The following KLC1 variants were observed in gnomAD, a reference collection of about 807,000 sequenced individuals.
KLC1 encodes kinesin 2 60/70kDa.
In KLC1, 30 loss-of-function variants were observed where a neutral mutation model predicts 84.2. That is an observed-to-expected ratio of 0.36 (90% CI 0.27 to 0.48). The LOEUF (loss-of-function observed/expected upper bound fraction) is 0.48. Among genes scored for constraint, KLC1 ranks in the 20% least tolerant of loss-of-function variants. KLC1 has a pLI of 0.99. For missense variants in KLC1, 499 were observed against 805.4 expected (o/e 0.62, Z 4.60); for synonymous variants, 289 against 293.3 (o/e 0.99, Z 0.15).
At chr14:103,699,016 A>G in intron 15 of KLC1, 1 of 1,583,772 alleles carries the variant, frequency 6.3e-7, no homozygotes, top group Non-Finnish European at 8.6e-7. Context: ...TCGTCCCAGA[A>G]CCTGAGAAAC....
Position 103,673,150 on chromosome 14 carries a change from C to T in KLC1, c.1124C>T (p.Pro375Leu). Reference sequence around the variant, plus strand: ...GAGATCTACCAGACAAAACTGGGACCTGATGACCCCAACGTGGCTAAGACG... The same window carrying T: ...GAGATCTACCAGACAAAACTGGGACTTGATGACCCCAACGTGGCTAAGACG... Reference protein sequence around the residue: ...ALEIYQTKLGPDDPNVAKTKN... With the variant: ...ALEIYQTKLGLDDPNVAKTKN... Residue 375 changes from proline to leucine, a missense_variant, in exon 8 of 17, where the codon CCT (proline) becomes CTT (leucine). Pro to Leu is a moderately conservative substitution (Grantham distance 98). Coordinates refer to ENST00000334553, the MANE Select transcript of KLC1 (RefSeq NM_001394837.1). 6.2e-7 allele frequency: 1 copy of T among 1,613,832 alleles called. No homozygotes were observed. Among genetic ancestry groups the T allele is most frequent in the Non-Finnish European group, 8.5e-7 (1 of 1,179,942 alleles).
chr14:103,652,743 C>T (rs2078554054), intron 1 of KLC1, among the ~76,000 whole-genome samples: 1 of 152,042 alleles, frequency 6.6e-6, no homozygotes, highest in Non-Finnish European at 1.5e-5. Flanking sequence ...TGCCCGCCTT[C>T]GCCTCCCAAA....
chr14:103,666,293 G>C (rs1407571933), intron 5 of KLC1, among the ~76,000 whole-genome samples: 4 of 151,920 alleles, frequency 2.6e-5, no homozygotes, highest in Non-Finnish European at 5.9e-5. Context: ...TTGATCTCCT[G>C]ACCTTGTGAT....
At position 103,670,231 on chromosome 14, in the gene KLC1, A is replaced by G; in HGVS notation, c.935A>G (p.Lys312Arg). 1 of 1,613,570 alleles carries G rather than the reference A, an allele frequency of 6.2e-7. No homozygotes were observed. The highest frequency in any genetic ancestry group is 8.5e-7 in the Non-Finnish European group (1 of 1,179,590). The part of the protein sequence containing the change: ...NLAVLYGKRG[K>R]YKEAEPLCKR... ...GCAGTCCTTTATGGTAAAAGAGGGA[A>G]GTACAAAGAAGCAGAGCCGTTGTGT... The change falls in exon 7 of 17, where the codon AAG becomes AGG. Residue 312 changes from lysine to arginine, a missense_variant. By Grantham distance (26) the Lys-to-Arg change is conservative (BLOSUM62 2). Transcript: ENST00000334553.
intron 1 of KLC1, among the ~76,000 whole-genome samples, chr14:103,633,962 G>T (rs900795525): frequency 1.3e-5 from 2 of 152,016 alleles, no homozygotes; most frequent in Non-Finnish European, 2.9e-5. Context: ...TCTGCCTCCC[G>T]GGTTCAAGCC....
intron 15 of KLC1, 84 bp from the exon 16 acceptor site, chr14:103,700,571 C>T (rs968254222): frequency 2.1e-5 from 23 of 1,112,100 alleles, no homozygotes; most frequent in African/African-American, 1.6e-4. Context: ...TGCAGCCACA[C>T]GCTGGTGTCA....
chr14:103,672,135 G>C (rs1046626889), intron 7 of KLC1, among the ~76,000 whole-genome samples: 2 of 152,142 alleles, frequency 1.3e-5, no homozygotes, highest in South Asian at 4.1e-4. Flanking sequence ...CCAGAGCCAG[G>C]GGGTGTTGGG....
intron 1 of KLC1, among the ~76,000 whole-genome samples, chr14:103,633,144 A>T (rs1595195769): frequency 1.3e-5 from 2 of 150,668 alleles, no homozygotes; most frequent in African/African-American, 2.4e-5. Flanking sequence ...TGCAGCCTCT[A>T]CCTCCCAGGT....
chr14:103,644,417 C>T (rs1166218739), intron 1 of KLC1, among the ~76,000 whole-genome samples: 3 of 151,804 alleles, frequency 2.0e-5, no homozygotes, highest in South Asian at 2.1e-4. Context: ...CGCCACCACA[C>T]CCGGCTAATT....
intron 1 of KLC1, among the ~76,000 whole-genome samples, chr14:103,630,854 T>C (rs1224642430): frequency 6.6e-6 from 1 of 152,196 alleles, no homozygotes; most frequent in Non-Finnish European, 1.5e-5. Flanking sequence ...CAGCATCATG[T>C]TGCAGTTGAG....
chr14:103,694,347 G>C lies in KLC1; in HGVS notation c.1848+1922G>C. On this transcript the variant is annotated intron_variant, in intron 15 of 16. Coordinates refer to ENST00000334553, the MANE Select transcript of KLC1 (RefSeq NM_001394837.1). This position sits in a 1 kb window ranked among gnomAD's most constrained non-coding sequence, Gnocchi z 4.5. Reference sequence around the variant, plus strand: ...GCCCACTGCAAGCTCCACCTCCTGGGTTCACGCCATTCTCCTGCCTCAGCC... The same window carrying C: ...GCCCACTGCAAGCTCCACCTCCTGGCTTCACGCCATTCTCCTGCCTCAGCC... 2 of 931,900 alleles carry C rather than the reference G, an allele frequency of 2.1e-6. No homozygotes were observed. The highest frequency in any genetic ancestry group is 1.2e-4 in the East Asian group (1 of 8,538). 57.7% of individuals were successfully genotyped at this position (931,900 alleles called of 1,614,324 possible). A position where few individuals can be genotyped will look rare whatever the true frequency, so the allele number is the denominator to read the frequency against.
Position 103,694,596 on chromosome 14 carries a change from G to C in KLC1, c.1848+2171G>C. 2 of 985,492 alleles carry C rather than the reference G, an allele frequency of 2.0e-6. No individual in the cohort carries two copies. The highest frequency in any genetic ancestry group is 2.4e-6 in the Non-Finnish European group (2 of 829,944). 61.0% of individuals were successfully genotyped at this position (985,492 alleles called of 1,614,324 possible). ...GTAAAGAGCATACAAAACAGACGCC[G>C]AGGTGATCAGTGATTCCAAAGGCTG... is the stretch of plus-strand genomic sequence containing the variant. On this transcript the variant is annotated intron_variant, in intron 15 of 16. Transcript: ENST00000334553. This position sits in a 1 kb window ranked among gnomAD's most constrained non-coding sequence, Gnocchi z 4.5.
At chr14:103,647,865 A>G (rs542887138) in intron 1 of KLC1, among the ~76,000 whole-genome samples, 9 of 143,958 alleles carry the variant, frequency 6.3e-5, no homozygotes, top group African/African-American at 1.8e-4. Context: ...ACAGAGCAAG[A>G]CTCCATCTCA....
At chr14:103,653,395 C>T (rs1265609791) in intron 1 of KLC1, among the ~76,000 whole-genome samples, 4 of 152,216 alleles carry the variant, frequency 2.6e-5, no homozygotes, top group Non-Finnish European at 5.9e-5. Flanking sequence ...GATCTTGGCT[C>T]ACTGCAACCT....
rs1207546517 is a variant in KLC1, at chr14:103,647,282, G to A, written c.-1-7282G>A. Among the ~76,000 whole-genome samples, 6 of 151,684 alleles carry A rather than the reference G, an allele frequency of 4.0e-5. No homozygotes were observed. The East Asian group carries it at 1.2e-3, about 30-fold the overall frequency. ...TCTGTCACCCAGGCTGGAGTGCAGT[G>A]GCAGGATCTCGGCTTACTGCAACCT... On this transcript the variant is annotated intron_variant, in intron 1 of 16. Transcript: ENST00000334553.
At chr14:103,681,960 C>T (rs2081372592) in intron 13 of KLC1, among the ~76,000 whole-genome samples, 2 of 152,138 alleles carry the variant, frequency 1.3e-5, no homozygotes, top group African/African-American at 4.8e-5. Context: ...GTGAAAATTT[C>T]CCTGAGATTG....
At chr14:103,645,790 C>T (rs910716564) in intron 1 of KLC1, among the ~76,000 whole-genome samples, 3 of 150,340 alleles carry the variant, frequency 2.0e-5, no homozygotes, top group African/African-American at 7.3e-5. Flanking sequence ...CAGAGTCTCG[C>T]TCTGTTGCCC....
At chr14:103,657,421 TA>T in intron 2 of KLC1, 124 bp from the exon 3 acceptor site, 1 of 675,336 alleles carries the variant, frequency 1.5e-6, no homozygotes, top group South Asian at 1.9e-5. Context: ...ATTGTACTTA[TA>T]TGTACTTTGG....
At chr14:103,695,829 A>G (rs1246048061) in intron 15 of KLC1, 2 of 985,274 alleles carry the variant, frequency 2.0e-6, no homozygotes, top group Non-Finnish European at 2.4e-6. Flanking sequence ...CCCTGAAGCC[A>G]GCTCATAAAG....
Sources: gnomAD v4.1 joint callset for allele counts (sites outside exome capture counted in the v4.1 genomes callset) on GRCh38, gnomAD v4.1.1 for gene constraint, Gnocchi (gnomAD v3.1) non-coding constraint, MANE v1.5 for transcripts, NCBI Gene and HGNC (gene_info 2026-07-23, HGNC 2026-07-21) for gene names.